The following RAD51B variants were observed in gnomAD, a reference collection of about 807,000 sequenced individuals.
RAD51B encodes RAD51 paralog B.
RAD51B carries 38 observed loss-of-function variants against 42.2 expected under a neutral mutation model. That is an observed-to-expected ratio of 0.90 (90% CI 0.70 to 1.18). The LOEUF (loss-of-function observed/expected upper bound fraction) is 1.18, where lower values mean the gene tolerates loss of function less well. Among genes scored for constraint, RAD51B ranks in the 50% most tolerant of loss-of-function variants. RAD51B has a pLI of 0.00. For synonymous variants in RAD51B, 154 were observed against 145.2 expected, an observed-to-expected ratio of 1.06 and a Z score of -0.43; for missense variants, 373 against 400.7, an observed-to-expected ratio of 0.93 and a Z score of 0.59.
intron 10 of RAD51B, among the ~76,000 whole-genome samples, chr14:68,650,434 T>G (rs1381117337): frequency 6.6e-6 from 1 of 152,224 alleles, no homozygotes; most frequent in African/African-American, 2.4e-5. Context: ...TTAATCACAG[T>G]ACCAGCCTGA....
chr14:68,302,818 A>G (rs1047464413), intron 8 of RAD51B, among the ~76,000 whole-genome samples: 1 of 152,234 alleles, frequency 6.6e-6, no homozygotes, highest in Non-Finnish European at 1.5e-5. Flanking sequence ...CACTCATGCT[A>G]TTGTTTGTGG....
intron 10 of RAD51B, among the ~76,000 whole-genome samples, chr14:68,572,977 C>T (rs974161910): frequency 6.6e-6 from 1 of 152,146 alleles, no homozygotes; most frequent in African/African-American, 2.4e-5. Flanking sequence ...AAACAGCCTA[C>T]CAAGGGTGCC....
At chr14:68,195,920 A>G (rs910533845) in intron 7 of RAD51B, among the ~76,000 whole-genome samples, 2 of 131,874 alleles carry the variant, frequency 1.5e-5, no homozygotes, top group African/African-American at 5.7e-5. Context: ...AAAAAAAAAA[A>G]AAAAACAACA....
intron 9 of RAD51B, among the ~76,000 whole-genome samples, chr14:68,462,252 A>G (rs1202702873): frequency 6.6e-6 from 1 of 152,238 alleles, no homozygotes; most frequent in Non-Finnish European, 1.5e-5. Flanking sequence ...AGGAGCACGT[A>G]GTGGAATGTC....
downstream of RAD51B, among the ~76,000 whole-genome samples, chr14:68,613,307 A>G (rs1439178622): frequency 6.6e-6 from 1 of 151,962 alleles, no homozygotes; most frequent in Non-Finnish European, 1.5e-5. Flanking sequence ...AATCCCAGCT[A>G]CTTGGGAGGC....
downstream of RAD51B, among the ~76,000 whole-genome samples, chr14:68,482,557 T>A (rs1883286006): frequency 6.6e-6 from 1 of 152,192 alleles, no homozygotes; most frequent in African/African-American, 2.4e-5. Context: ...TAAAAACTGG[T>A]CTTGGAACCA....
intron 4 of RAD51B, among the ~76,000 whole-genome samples, chr14:67,839,813 C>G (rs11844492): frequency 6.6e-6 from 1 of 151,692 alleles, no homozygotes; most frequent in African/African-American, 2.4e-5. Context: ...CCTTTTAAGA[C>G]TGAATTTTTC....
chr14:67,903,466 G>T lies in RAD51B; in HGVS notation c.756+16262G>T, dbSNP rs569184616. ...GAAATAGTCTGCTTTCAAGACTCTTGTTTCTATTATGGATATAAAACATAT... is the reference window on the plus strand; with the variant it reads ...GAAATAGTCTGCTTTCAAGACTCTTTTTTCTATTATGGATATAAAACATAT... On this transcript the variant is annotated intron_variant, in intron 7 of 10. Coordinates refer to ENST00000471583, the MANE Select transcript of RAD51B (RefSeq NM_133510.4). Among the ~76,000 whole-genome samples, 453 of 152,154 alleles carry T rather than the reference G, an allele frequency of 3.0e-3. 1 individual carries two copies. The highest frequency in any genetic ancestry group is 3.3e-3 in the Non-Finnish European group (224 of 67,988).
At chr14:68,099,934 G>T (rs1198083868) in intron 7 of RAD51B, among the ~76,000 whole-genome samples, 1 of 152,188 alleles carries the variant, frequency 6.6e-6, no homozygotes. Context: ...CACTTGACAG[G>T]CTTCTCCAGG....
intron 10 of RAD51B, among the ~76,000 whole-genome samples, chr14:68,534,356 A>T (rs544681961): frequency 6.6e-6 from 1 of 152,348 alleles, no homozygotes; most frequent in East Asian, 1.9e-4. Flanking sequence ...TGTTTAATAA[A>T]TGAATAATAG....
chr14:68,037,086 CT>C (rs1482493217), intron 7 of RAD51B, among the ~76,000 whole-genome samples: 4 of 35,850 alleles, frequency 1.1e-4, no homozygotes, highest in Non-Finnish European at 1.9e-4. Flanking sequence ...ATCCTTTCTC[CT>C]TTCTCCTTTC....
intron 7 of RAD51B, among the ~76,000 whole-genome samples, chr14:67,930,733 T>A (rs1271697842): frequency 1.3e-5 from 2 of 152,192 alleles, no homozygotes; most frequent in African/African-American, 4.8e-5. Context: ...CTTGGTAGAC[T>A]TGGGAAAATT....
At chr14:68,309,475 C>T (rs892409525) in intron 8 of RAD51B, among the ~76,000 whole-genome samples, 4 of 151,992 alleles carry the variant, frequency 2.6e-5, no homozygotes, top group Non-Finnish European at 4.4e-5. Context: ...AGAAAAATCA[C>T]GGAGAGGTAG....
intron 9 of RAD51B, among the ~76,000 whole-genome samples, chr14:68,459,299 G>A (rs181592482): frequency 5.8e-4 from 89 of 152,288 alleles, no homozygotes; most frequent in African/African-American, 2.0e-3. Context: ...TGGTTTGTTT[G>A]CCTCCCTGGC....
intron 10 of RAD51B, among the ~76,000 whole-genome samples, chr14:68,640,086 G>A (rs555574993): frequency 2.0e-4 from 30 of 152,324 alleles, no homozygotes; most frequent in South Asian, 1.5e-3. Flanking sequence ...ATAGGAGTAA[G>A]CCACCATGCC....
intron 10 of RAD51B, chr14:68,562,963 C>A: frequency 1.0e-6 from 1 of 985,426 alleles, no homozygotes; most frequent in Non-Finnish European, 1.2e-6. Context: ...CAATAGTGTG[C>A]TCCACGGAAG....
At chr14:67,956,776 T>C (rs2074556598) in intron 7 of RAD51B, among the ~76,000 whole-genome samples, 1 of 152,248 alleles carries the variant, frequency 6.6e-6, no homozygotes, top group Non-Finnish European at 1.5e-5. Flanking sequence ...TTAAAATGAA[T>C]GAAAAATAAA....
At chr14:68,633,852 T>C (rs1892288287) in intron 10 of RAD51B, among the ~76,000 whole-genome samples, 1 of 152,138 alleles carries the variant, frequency 6.6e-6, no homozygotes, top group Admixed American at 6.5e-5. Flanking sequence ...TGGACAACAG[T>C]GGGCTTGGAT....
intron 8 of RAD51B, among the ~76,000 whole-genome samples, chr14:68,385,593 G>A (rs7144111): frequency 0.089 from 13,545 of 152,118 alleles, 1,893 homozygotes; most frequent in African/African-American, 0.3. Context: ...CTAGCATTAC[G>A]AGCATCCAGT....
Sources: allele counts gnomAD v4.1 joint callset (sites outside exome capture counted in the v4.1 genomes callset), GRCh38; gene constraint gnomAD v4.1.1; transcripts MANE v1.5; gene names NCBI Gene and HGNC (gene_info 2026-07-23, HGNC 2026-07-21).